PRR5L: variants seen among roughly 807,000 people sequenced by gnomAD.
The protein encoded by PRR5L is proline-rich protein 5-like.
A neutral mutation model predicts 36.4 loss-of-function variants in PRR5L; 21 were observed. The ratio of observed to expected loss-of-function variants is 0.58; its 90% CI spans 0.41 to 0.83. The LOEUF (loss-of-function observed/expected upper bound fraction) is 0.83. Among genes scored for constraint, PRR5L ranks in the 40% least tolerant of loss-of-function variants. The pLI, the probability that PRR5L is intolerant of heterozygous loss-of-function variation, is 0.00. For synonymous variants in PRR5L, 188 were observed against 197.0 expected (o/e 0.95, Z 0.38); for missense variants, 381 against 473.3 (o/e 0.80, Z 1.81).
chr11:36,434,514 C>T (rs1189891877), intron 5 of PRR5L, among the ~76,000 whole-genome samples: 2 of 152,136 alleles, frequency 1.3e-5, no homozygotes, highest in Non-Finnish European at 2.9e-5. Context: ...TGTTCATATC[C>T]ACTTATTGCT....
At chr11:36,372,806 C>T (rs75121334) in intron 1 of PRR5L, among the ~76,000 whole-genome samples, 466 of 152,264 alleles carry the variant, frequency 3.1e-3, no homozygotes, top group Non-Finnish European at 5.1e-3. Context: ...TTTTGCATGA[C>T]GTTTTCTAAT....
intron 1 of PRR5L, chr11:36,376,064 C>G (rs1343677925): frequency 2.1e-6 from 2 of 953,832 alleles, no homozygotes; most frequent in Non-Finnish European, 3.0e-6. Context: ...GAGAGAAACG[C>G]AAGCACGGAG....
At chr11:36,302,050 A>G (rs1856382207) in intron 1 of PRR5L, among the ~76,000 whole-genome samples, 1 of 152,188 alleles carries the variant, frequency 6.6e-6, no homozygotes, top group Non-Finnish European at 1.5e-5. Flanking sequence ...AGTATATGGG[A>G]GTTTACTGTA....
Position 36,401,076 on chromosome 11 carries a change from G to A in PRR5L, c.-46G>A, listed in dbSNP as rs372842527. Reference sequence around the variant, plus strand: ...GGAGAAGCCCTTTCCGAGGGCATTCGGAACCTTCTGGTCCTAGAGGTGAAG... The same window carrying A: ...GGAGAAGCCCTTTCCGAGGGCATTCAGAACCTTCTGGTCCTAGAGGTGAAG... On this transcript the variant is annotated 5_prime_UTR_variant, in exon 2 of 9. Transcript: ENST00000530639. 123 of 1,595,852 alleles carry A rather than the reference G, an allele frequency of 7.7e-5. No homozygotes were observed. In the African/African-American group the frequency reaches 9.5e-4, roughly 12 times the overall value.
chr11:36,349,564 T>C (rs1021861272), intron 1 of PRR5L, among the ~76,000 whole-genome samples: 1 of 152,090 alleles, frequency 6.6e-6, no homozygotes, highest in Admixed American at 6.5e-5. Flanking sequence ...GGCCTTCTGT[T>C]CTTTCTCTGG....
intron 5 of PRR5L, among the ~76,000 whole-genome samples, chr11:36,436,731 G>T (rs1396927115): frequency 6.6e-6 from 1 of 152,184 alleles, no homozygotes; most frequent in Non-Finnish European, 1.5e-5. Flanking sequence ...CAAGAGCATG[G>T]GTTCTGGAAT....
chr11:36,352,477 A>G (rs562206580), intron 1 of PRR5L, among the ~76,000 whole-genome samples: 30 of 152,222 alleles, frequency 2.0e-4, no homozygotes, highest in African/African-American at 7.0e-4. Flanking sequence ...TTGAAATTAG[A>G]GAGTTTTAGA....
At chr11:36,349,530 T>C (rs1856905768) in intron 1 of PRR5L, among the ~76,000 whole-genome samples, 1 of 151,932 alleles carries the variant, frequency 6.6e-6, no homozygotes, top group South Asian at 2.1e-4. Context: ...TTCTGGTCGA[T>C]TGTTCATGGG....
At chr11:36,354,850 G>A (rs574136353) in intron 1 of PRR5L, among the ~76,000 whole-genome samples, 3 of 152,294 alleles carry the variant, frequency 2.0e-5, no homozygotes, top group South Asian at 2.1e-4. Context: ...TTATTAGCCA[G>A]GGGCAAGGAA....
At chr11:36,348,502 T>C (rs1383543304) in intron 1 of PRR5L, among the ~76,000 whole-genome samples, 2 of 152,224 alleles carry the variant, frequency 1.3e-5, no homozygotes, top group African/African-American at 4.8e-5. Context: ...GTTTATCTCC[T>C]TCCTGGAACT....
In PRR5L at chr11:36,339,162, A is replaced by T. The variant is rs567013132; in HGVS notation, c.-126+42724A>T. 2.0e-5 allele frequency among the ~76,000 whole-genome samples: 3 copies of T among 152,270 alleles called. No individual in the cohort carries two copies. In the South Asian group the frequency reaches 6.2e-4, roughly 32 times the overall value. On this transcript the variant is annotated intron_variant, in intron 1 of 8. Coordinates refer to ENST00000530639, the MANE Select transcript of PRR5L (RefSeq NM_001160167.2). ...GGTATGCCTTTATCAGCAGTGTAAA[A>T]ATGGACTAATACACTCCACCTCCTG... is the stretch of plus-strand genomic sequence containing the variant.
chr11:36,324,422 G>C (rs2133466634), intron 1 of PRR5L, among the ~76,000 whole-genome samples: 1 of 152,280 alleles, frequency 6.6e-6, no homozygotes, highest in South Asian at 2.1e-4. Context: ...TAAGAAAACA[G>C]GAGGTGCTGG....
intron 1 of PRR5L, chr11:36,381,710 A>T (rs1190556171): frequency 6.6e-6 from 1 of 152,130 alleles, no homozygotes; most frequent in Non-Finnish European, 1.5e-5. Flanking sequence ...TAGCTCCCGG[A>T]CACCACCACT....
chr11:36,349,888 G>A (rs1437450389), intron 1 of PRR5L: 2 of 151,926 alleles, frequency 1.3e-5, no homozygotes, highest in African/African-American at 4.8e-5. Context: ...ACTAGAATGT[G>A]AGCAAAAAAG....
At chr11:36,353,900 C>A (rs945724709) in intron 1 of PRR5L, among the ~76,000 whole-genome samples, 1 of 152,100 alleles carries the variant, frequency 6.6e-6, no homozygotes, top group Non-Finnish European at 1.5e-5. Context: ...TAATCAAGCT[C>A]AGTGGCTGTG....
chr11:36,316,890 A>G (rs574220445), intron 1 of PRR5L, among the ~76,000 whole-genome samples: 1 of 152,344 alleles, frequency 6.6e-6, no homozygotes, highest in African/African-American at 2.4e-5. Flanking sequence ...ACTATAAACT[A>G]AATTCCTTCC....
chr11:36,351,783 AT>A (rs1240525949), intron 1 of PRR5L, among the ~76,000 whole-genome samples: 5,452 of 38,508 alleles, frequency 0.14, 245 homozygotes, highest in Middle Eastern at 0.26. Flanking sequence ...ATATTTATAT[AT>A]TTTTTTTATA....
intron 1 of PRR5L, among the ~76,000 whole-genome samples, chr11:36,350,996 TTA>T (rs369442058): frequency 0.071 from 3,409 of 48,324 alleles, 861 homozygotes; most frequent in African/African-American, 0.2. Flanking sequence ...ATTTATATAT[TTA>T]TATATATTTA....
At chr11:36,348,215 T>C (rs146465550) in intron 1 of PRR5L, among the ~76,000 whole-genome samples, 318 of 152,252 alleles carry the variant, frequency 2.1e-3, no homozygotes, top group African/African-American at 7.5e-3. Context: ...CCCATACTCT[T>C]CTTAGCCAAA....
Sources: allele counts gnomAD v4.1 joint callset (sites outside exome capture counted in the v4.1 genomes callset), GRCh38; gene constraint gnomAD v4.1.1; transcripts MANE v1.5; gene names NCBI Gene and HGNC (gene_info 2026-07-23, HGNC 2026-07-21).